Variants in FAM180A observed in about 807,000 individuals in gnomAD.
FAM180A encodes the protein protein FAM180A.
FAM180A carries 14 observed loss-of-function variants against 15.3 expected under a neutral mutation model. The ratio of observed to expected loss-of-function variants is 0.92; its 90% CI spans 0.61 to 1.43. FAM180A has a LOEUF of 1.43. FAM180A is among the 40% of genes most tolerant of loss of function. The pLI, the probability that FAM180A is intolerant of heterozygous loss-of-function variation, is 0.00. For missense variants in FAM180A, 200 were observed against 220.8 expected (o/e 0.91, Z 0.60); for synonymous variants, 90 against 96.8 (o/e 0.93, Z 0.41).
At chr7:135,743,761 C>T (rs1165710736) in intron 1 of FAM180A, among the ~76,000 whole-genome samples, 1 of 152,166 alleles carries the variant, frequency 6.6e-6, no homozygotes, top group Non-Finnish European at 1.5e-5. Flanking sequence ...GGGATTTTGT[C>T]TATTTTGTTC....
At chr7:135,737,362 G>A (rs992341656) in intron 1 of FAM180A, among the ~76,000 whole-genome samples, 163 bp from the exon 2 acceptor site, 2 of 152,148 alleles carry the variant, frequency 1.3e-5, no homozygotes, top group Admixed American at 6.5e-5. Context: ...CGAGGCGGGC[G>A]GATCACCTGA....
chr7:135,743,756 T>C (rs184105931), intron 1 of FAM180A, among the ~76,000 whole-genome samples: 7 of 152,302 alleles, frequency 4.6e-5, no homozygotes, highest in Admixed American at 1.3e-4. Context: ...GGTATGGGAT[T>C]TTGTCTATTT....
chr7:135,748,452 T>G, intron 1 of FAM180A, 53 bp downstream of exon 1: 1 of 1,463,924 alleles, frequency 6.8e-7, no homozygotes. Context: ...TTGAATTGCA[T>G]TGAAGAAAGT....
intron 2 of FAM180A, 95 bp downstream of exon 2, chr7:135,737,003 CA>C (rs1796881186): frequency 3.2e-6 from 3 of 944,194 alleles, no homozygotes; most frequent in Non-Finnish European, 5.0e-6. Context: ...CACTCATGGT[CA>C]GGGGCTGAGG....
intron 3 of FAM180A, among the ~76,000 whole-genome samples, chr7:135,732,935 A>T (rs1796808872): frequency 2.0e-5 from 3 of 152,198 alleles, no homozygotes; most frequent in African/African-American, 4.8e-5. Context: ...TTGCATGAAG[A>T]CAGACAGGCA....
chr7:135,736,120 T>C (rs1796867069), intron 2 of FAM180A, among the ~76,000 whole-genome samples: 1 of 151,896 alleles, frequency 6.6e-6, no homozygotes, highest in Non-Finnish European at 1.5e-5. Flanking sequence ...CCTCCCGGGT[T>C]CCAGTGATTC....
At chr7:135,733,446 AG>A (rs1796817345) in intron 3 of FAM180A, 199 bp downstream of exon 3, 1 of 158,650 alleles carries the variant, frequency 6.3e-6, no homozygotes. Flanking sequence ...TCCTGGGTTC[AG>A]CTGGTTCTCC....
chr7:135,745,717 A>T (rs1352896120), intron 1 of FAM180A, among the ~76,000 whole-genome samples: 1 of 151,994 alleles, frequency 6.6e-6, no homozygotes, highest in African/African-American at 2.4e-5. Context: ...CTGTGGGTTT[A>T]CATCTACATT....
rs769859025 is a variant in FAM180A, at chr7:135,737,102, G to A, written c.174C>T (p.Tyr58=). The A allele has an allele frequency of 1.8e-5, 29 of 1,610,464 alleles. No individual in the cohort carries two copies. The highest frequency in any genetic ancestry group is 1.6e-4 in the Middle Eastern group (1 of 6,076). ...GAGCATGTTCCCCTCTGCCTACCTC[G>A]TAGAGCAGCTCCACCTCCTCCAGGG... ...QTSLEEVELL[Y]EFLLAELEIS... Residue 58 remains tyrosine, a synonymous_variant, in exon 2 of 4, where the codon TAC becomes TAT. Transcript: ENST00000338588.
At chr7:135,746,728 G>C (rs10272637) in intron 1 of FAM180A, among the ~76,000 whole-genome samples, 6,297 of 152,220 alleles carry the variant, frequency 0.041, 295 homozygotes, top group African/African-American at 0.11. Context: ...CTACCTCAAA[G>C]TTTGTGCACA....
Position 135,730,089 on chromosome 7 carries a change from A to G in FAM180A, c.*522T>C, listed in dbSNP as rs1563177176. ...TAAAAAGTCATTTAACAAGCATTTG[A>G]TTTTAGACCATTGGACCTGCAGAAA... On this transcript the variant is annotated 3_prime_UTR_variant, in exon 4 of 4. Coordinates refer to ENST00000338588, the MANE Select transcript of FAM180A (RefSeq NM_205855.4). 1.0e-6 allele frequency: 1 copy of G among 985,280 alleles called. No homozygotes were observed. The highest frequency in any genetic ancestry group is 1.1e-4 in the East Asian group (1 of 8,828). The allele number at this position is 985,280 out of a possible 1,614,324, so 61.0% of individuals were successfully genotyped here.
chr7:135,732,752 A>G (rs1175490489), intron 3 of FAM180A, among the ~76,000 whole-genome samples: 1 of 151,318 alleles, frequency 6.6e-6, no homozygotes, highest in Non-Finnish European at 1.5e-5. Flanking sequence ...AGAATGTTTG[A>G]ATGATGATCT....
chr7:135,732,615 C>T (rs1183863153), intron 3 of FAM180A, among the ~76,000 whole-genome samples: 2 of 151,810 alleles, frequency 1.3e-5, no homozygotes, highest in Non-Finnish European at 2.9e-5. Context: ...ATCGCTTGAA[C>T]CCGGGAGGCA....
At chr7:135,741,318 A>G (rs1289899211) in intron 1 of FAM180A, among the ~76,000 whole-genome samples, 1 of 152,224 alleles carries the variant, frequency 6.6e-6, no homozygotes, top group Non-Finnish European at 1.5e-5. Context: ...AGACAATGGG[A>G]ATGGCTATTG....
chr7:135,743,979 A>T (rs2129496233), intron 1 of FAM180A, among the ~76,000 whole-genome samples: 1 of 152,140 alleles, frequency 6.6e-6, no homozygotes, highest in East Asian at 1.9e-4. Context: ...GTAGATGTTG[A>T]CTTCTGTCTC....
At chr7:135,745,469 C>CTG (rs142097069) in intron 1 of FAM180A, among the ~76,000 whole-genome samples, 3,868 of 149,996 alleles carry the variant, frequency 0.026, 160 homozygotes, top group African/African-American at 0.086. Context: ...CGTGGGCCAC[C>CTG]TGTGTGTGTG....
rs751207935 is a variant in FAM180A at position 135,748,506 on chromosome 7, C to T, written c.75G>A (p.Arg25=). 2 of 1,613,138 alleles carry T rather than the reference C, an allele frequency of 1.2e-6. No homozygotes were observed. Among genetic ancestry groups the T allele is most frequent in the African/African-American group, 1.3e-5 (1 of 74,908 alleles). ...ACAAATGAATAAAAAGCAACTCACC[C>T]CTGCTCCACCTGTGGCACATAGAAG... The part of the protein sequence containing the change: ...AEASMCHRWS[R]AVLFPAAHRP... The change falls in exon 1 of 4, where the codon AGG becomes AGA. Residue 25 remains arginine (R), a splice_region_variant and synonymous_variant. Coordinates refer to ENST00000338588, the MANE Select transcript of FAM180A (RefSeq NM_205855.4).
chr7:135,733,912 A>C lies in FAM180A; in HGVS notation c.*63T>G. On this transcript the variant is annotated 3_prime_UTR_variant, in exon 3 of 4. Transcript: ENST00000338588. Reference sequence around the variant, plus strand: ...GCTGGTCTCTGTAAATGGAGTAGAGAATGAAGACTTTCTGGATTACTGTGC... The same window carrying C: ...GCTGGTCTCTGTAAATGGAGTAGAGCATGAAGACTTTCTGGATTACTGTGC... 1 of 1,496,032 alleles carries C rather than the reference A, an allele frequency of 6.7e-7. No individual in the cohort carries two copies. The highest frequency in any genetic ancestry group is 8.9e-7 in the Non-Finnish European group (1 of 1,123,260). 92.7% of individuals were successfully genotyped at this position (1,496,032 alleles called of 1,614,324 possible).
Position 135,734,267 on chromosome 7 carries a change from T to A in FAM180A, c.230A>T (p.Asp77Val). ...CTTCCGCAAGGAGGCCAGCTCCTCGTCCTTGATGGAGATCTGCAGGTCAGG... is the reference window on the plus strand; with the variant it reads ...CTTCCGCAAGGAGGCCAGCTCCTCGACCTTGATGGAGATCTGCAGGTCAGG... ...ISPDLQISIKDEELASLRKAS... is the reference protein window; with the variant it reads ...ISPDLQISIKVEELASLRKAS... The change falls in exon 3 of 4, where the codon GAC becomes GTC. Residue 77 changes from aspartate to valine, a missense_variant. Physicochemically the swap from Asp to Val is radical, Grantham distance 152. Transcript: ENST00000338588. 6.2e-7 allele frequency: 1 copy of A among 1,613,790 alleles called. No homozygotes were observed. The highest frequency in any genetic ancestry group is 8.5e-7 in the Non-Finnish European group (1 of 1,179,760).
Sources: allele counts gnomAD v4.1 joint callset (sites outside exome capture counted in the v4.1 genomes callset), GRCh38; gene constraint gnomAD v4.1.1; transcripts MANE v1.5; gene names NCBI Gene and HGNC (gene_info 2026-07-23, HGNC 2026-07-21).